Variants in CUX1 observed in about 807,000 individuals in gnomAD.
CUX1 encodes the protein protein CASP.
Under a neutral mutation model 158.8 loss-of-function variants are expected in CUX1, and 31 were observed. That is an observed-to-expected ratio of 0.20 (90% CI 0.15 to 0.26). The LOEUF is 0.26. CUX1 is among the 10% of genes least tolerant of loss of function. The pLI is 1.00. For missense variants in CUX1, 1,589 were observed against 2,014.6 expected (o/e 0.79, Z 4.04); for synonymous variants, 879 against 862.1 (o/e 1.02, Z -0.34).
intron 1 of CUX1, among the ~76,000 whole-genome samples, chr7:101,904,991 A>G (rs1210006449): frequency 1.3e-5 from 2 of 152,186 alleles, no homozygotes; most frequent in Non-Finnish European, 2.9e-5. Flanking sequence ...ATGTGACTTA[A>G]TCCTCATAGC....
At chr7:102,283,196 C>A in exon 23 of CUX1, 1 of 934,396 alleles carries the variant, frequency 1.1e-6, no homozygotes, top group South Asian at 1.4e-5. Context: ...GGAAACTGCC[C>A]TTATCCGCTG....
chr7:102,189,395 TA>T (rs781927755), intron 11 of CUX1, among the ~76,000 whole-genome samples: 196 of 108,816 alleles, frequency 1.8e-3, no homozygotes, highest in South Asian at 0.014. Flanking sequence ...TTTTTTTTTT[TA>T]AAAAAAAAAG....
chr7:101,990,005 AC>A (rs1422750952), intron 2 of CUX1, among the ~76,000 whole-genome samples: 2 of 152,094 alleles, frequency 1.3e-5, no homozygotes, highest in Admixed American at 1.3e-4. Flanking sequence ...CTGTGGAGAG[AC>A]TCCATTGTAG....
chr7:101,830,755 G>A (rs1793893605), intron 1 of CUX1, among the ~76,000 whole-genome samples: 1 of 152,106 alleles, frequency 6.6e-6, no homozygotes, highest in African/African-American at 2.4e-5. Flanking sequence ...CACCACGCCT[G>A]GCCCAGATAA....
intron 3 of CUX1, among the ~76,000 whole-genome samples, chr7:102,035,078 A>G (rs1028698705): frequency 3.9e-5 from 6 of 151,910 alleles, no homozygotes; most frequent in African/African-American, 1.4e-4. Context: ...GTGGTAAAAA[A>G]AAAAAAAAAA....
At chr7:101,933,948 T>A (rs1323469708) in intron 2 of CUX1, among the ~76,000 whole-genome samples, 1 of 152,228 alleles carries the variant, frequency 6.6e-6, no homozygotes, top group Admixed American at 6.5e-5. Flanking sequence ...TGTTTGGATA[T>A]TTTAAAAGCC....
intron 1 of CUX1, among the ~76,000 whole-genome samples, chr7:101,893,955 T>A (rs1801189402): frequency 6.6e-6 from 1 of 152,240 alleles, no homozygotes; most frequent in African/African-American, 2.4e-5. Flanking sequence ...AAATGAAATC[T>A]TCTTGTGGAT....
chr7:102,140,798 G>T (rs1280206184), intron 8 of CUX1, among the ~76,000 whole-genome samples: 1 of 151,642 alleles, frequency 6.6e-6, no homozygotes, highest in Non-Finnish European at 1.5e-5. Context: ...CCAGGAGGCA[G>T]AGGTTGCGGT....
At chr7:102,072,789 G>A (rs552006654) in intron 4 of CUX1, among the ~76,000 whole-genome samples, 3 of 152,216 alleles carry the variant, frequency 2.0e-5, no homozygotes, top group East Asian at 3.9e-4. Flanking sequence ...GGGCATCACT[G>A]GCATTTTCTT....
At chr7:101,868,317 G>A (rs991887691) in intron 1 of CUX1, among the ~76,000 whole-genome samples, 5 of 152,200 alleles carry the variant, frequency 3.3e-5, no homozygotes, top group Non-Finnish European at 5.9e-5. Flanking sequence ...GGCCTGTAGT[G>A]GAGCTGGCTT....
chr7:102,171,749 GA>G, intron 10 of CUX1, among the ~76,000 whole-genome samples: 1 of 152,072 alleles, frequency 6.6e-6, no homozygotes, highest in African/African-American at 2.4e-5. Context: ...CGCCTAGCCT[GA>G]TCCCTCAATT....
chr7:102,089,133 A>G (rs1554481485), intron 4 of CUX1, among the ~76,000 whole-genome samples: 3 of 152,206 alleles, frequency 2.0e-5, no homozygotes, highest in Non-Finnish European at 4.4e-5. Flanking sequence ...TCAGCCAATC[A>G]AGTGAATTTT....
At chr7:102,052,833 G>A (rs1823675085) in intron 3 of CUX1, among the ~76,000 whole-genome samples, 1 of 152,006 alleles carries the variant, frequency 6.6e-6, no homozygotes, top group African/African-American at 2.4e-5. Context: ...TGGGAGACAG[G>A]GTCTCGCTCT....
intron 23 of CUX1, among the ~76,000 whole-genome samples, chr7:102,243,559 G>C (rs1268981619): frequency 1.3e-5 from 2 of 151,270 alleles, no homozygotes; most frequent in Admixed American, 1.3e-4. Flanking sequence ...CACCACATTG[G>C]GAGGCTGAAG....
downstream of CUX1, among the ~76,000 whole-genome samples, chr7:102,259,176 A>AC (rs1217478051): frequency 2.0e-5 from 3 of 152,056 alleles, no homozygotes; most frequent in Non-Finnish European, 4.4e-5. Context: ...GGATGGAGAC[A>AC]CCCCCCAGTG....
At chr7:102,063,145 A>C (rs200043730) in intron 3 of CUX1, among the ~76,000 whole-genome samples, 42 of 132,684 alleles carry the variant, frequency 3.2e-4, no homozygotes, top group African/African-American at 1.1e-3. Flanking sequence ...AAAAAAAAAA[A>C]ACTCAGCCTT....
In CUX1 at chr7:102,200,073, A is replaced by G. The variant is rs1554519222; in HGVS notation, c.1963A>G (p.Asn655Asp). 1 of 1,608,774 alleles carries G rather than the reference A, an allele frequency of 6.2e-7. No homozygotes were observed. The highest frequency in any genetic ancestry group is 8.5e-7 in the Non-Finnish European group (1 of 1,178,032). The change falls in exon 17 of 24, where the codon AAC becomes GAC. Residue 655 changes from asparagine (N) to aspartate (D), a missense_variant and splice_region_variant. Physicochemically the swap from Asn to Asp is conservative, Grantham distance 23. Around this residue, in one of 8 missense-constraint regions of CUX1, gnomAD observed 337 missense variants for 409.3 expected, o/e 0.82. Coordinates refer to ENST00000292535, the MANE Select transcript of CUX1 (RefSeq NM_181552.4). ...VPKRRNGSEG[N>D]ITTRIRASET... ...ATTGGCGCAACTTCTCCCCACAGGT[A>G]ACATCACCACCCGGATCCGAGCCTC...
intron 23 of CUX1, 48 bp downstream of exon 23, chr7:102,239,632 G>C (rs1346941142): frequency 6.3e-7 from 1 of 1,583,248 alleles, no homozygotes; most frequent in Non-Finnish European, 8.6e-7. Flanking sequence ...AGGGGAAGGG[G>C]CTGATCTGTC....
chr7:101,869,974 C>A lies in CUX1; in HGVS notation c.31-46141C>A, dbSNP rs551418271. Among the ~76,000 whole-genome samples, 11 of 151,982 alleles carry A rather than the reference C, an allele frequency of 7.2e-5. No individual in the cohort carries two copies. Among genetic ancestry groups the A allele is most frequent in the African/African-American group, 1.4e-4 (6 of 41,446 alleles). On this transcript the variant is annotated intron_variant, in intron 1 of 23. Coordinates refer to ENST00000292535, the MANE Select transcript of CUX1 (RefSeq NM_181552.4). This position sits in a 1 kb window ranked among gnomAD's most constrained non-coding sequence, Gnocchi z 4.5. ...TGGGAAGGCGGCTCCTCGTGCCCCCCCTCTTGTGCCTTCCCTCCCCAGTGC... is the reference window on the plus strand; with the variant it reads ...TGGGAAGGCGGCTCCTCGTGCCCCCACTCTTGTGCCTTCCCTCCCCAGTGC...
Sources: gnomAD v4.1 joint callset for allele counts (sites outside exome capture counted in the v4.1 genomes callset) on GRCh38, gnomAD v4.1.1 for gene constraint, gnomAD v4.1.1 regional missense constraint, Gnocchi (gnomAD v3.1) non-coding constraint, MANE v1.5 for transcripts, NCBI Gene and HGNC (gene_info 2026-07-23, HGNC 2026-07-21) for gene names.